The following CELF2 variants were observed in gnomAD, a reference collection of about 807,000 sequenced individuals.
CELF2 encodes CUG triplet repeat RNA-binding protein 2.
In CELF2, 8 loss-of-function variants were observed where a neutral mutation model predicts 62.6. The observed-to-expected ratio is 0.13, with a 90% CI of 0.07 to 0.23. CELF2 has a LOEUF of 0.23. Among genes scored for constraint, CELF2 ranks in the 10% least tolerant of loss-of-function variants. CELF2 has a pLI of 1.00. For missense variants in CELF2, 333 were observed against 671.0 expected (o/e 0.50, Z 5.56); for synonymous variants, 258 against 250.0 (o/e 1.03, Z -0.30).
At chr10:10,982,362 C>T (rs2052243027) in intron 2 of CELF2, among the ~76,000 whole-genome samples, 1 of 152,060 alleles carries the variant, frequency 6.6e-6, no homozygotes, top group African/African-American at 2.4e-5. Context: ...TACCCCAAAC[C>T]CCCACAGAGG....
At chr10:10,469,537 G>A in the CELF2 span, among the ~76,000 whole-genome samples, 2 of 151,828 alleles carry the variant, frequency 1.3e-5, no homozygotes, top group Admixed American at 1.3e-4. Flanking sequence ...TATGAACTGA[G>A]GATCTGATTT....
Position 11,305,220 on chromosome 10 carries a change from T to G in CELF2, c.977-8919T>G, listed in dbSNP as rs141385301. On this transcript the variant is annotated intron_variant, in intron 9 of 12. Transcript: ENST00000633077. The surrounding 1 kb of genome is among the most constrained non-coding windows in gnomAD (Gnocchi z 4.8). The stretch of plus-strand genomic sequence containing the variant: ...GAGAAAAGAACTTTTTTCTGGAAAG[T>G]GGAGCTCAGGTCCTTGCCTCTCTGG... 6.6e-6 allele frequency among the ~76,000 whole-genome samples: 1 copy of G among 152,320 alleles called. No homozygotes were observed. Among genetic ancestry groups the G allele is most frequent in the East Asian group, 1.9e-4 (1 of 5,172 alleles).
At chr10:10,804,897 G>A (rs771174541) in intron 1 of CELF2, among the ~76,000 whole-genome samples, 1 of 152,156 alleles carries the variant, frequency 6.6e-6, no homozygotes, top group Non-Finnish European at 1.5e-5. Context: ...AAGTTTGGAG[G>A]AATGTCATGT....
At position 11,314,558 on chromosome 10, in the gene CELF2, G is replaced by C; in HGVS notation, c.1096+300G>C. 1 of 431,396 alleles carries C rather than the reference G, an allele frequency of 2.3e-6. No homozygotes were observed. The highest frequency in any genetic ancestry group is 4.4e-6 in the Non-Finnish European group (1 of 229,120). The allele number at this position is 431,396 out of a possible 1,614,324, so 26.7% of individuals were successfully genotyped here. A position where few individuals can be genotyped will look rare whatever the true frequency, so the allele number is the denominator to read the frequency against. ...GTTTCCAGGAGTTTGGTTTGGTTTGGTTTCGGTCGGTTCTGTCCTGCGAGG... is the reference window on the plus strand; with the variant it reads ...GTTTCCAGGAGTTTGGTTTGGTTTGCTTTCGGTCGGTTCTGTCCTGCGAGG... On this transcript the variant is annotated intron_variant, in intron 10 of 12. Coordinates refer to ENST00000633077, the MANE Select transcript of CELF2 (RefSeq NM_001326342.2). This position sits in a 1 kb window ranked among gnomAD's most constrained non-coding sequence, Gnocchi z 5.3.
the CELF2 span, among the ~76,000 whole-genome samples, chr10:10,515,159 C>T: frequency 6.6e-6 from 1 of 152,216 alleles, no homozygotes; most frequent in Non-Finnish European, 1.5e-5. Context: ...GACACACCCT[C>T]AGAGCTAACT....
rs2082979480 is a variant in CELF2 at position 11,269,083 on chromosome 10, G to A, written c.619-1583G>A. Among the ~76,000 whole-genome samples the A allele has an allele frequency of 6.6e-6, 1 of 152,144 alleles. No homozygotes were observed. On this transcript the variant is annotated intron_variant, in intron 6 of 12. Transcript: ENST00000633077. The surrounding 1 kb of genome is among the most constrained non-coding windows in gnomAD (Gnocchi z 4.4). Reference sequence around the variant, plus strand: ...CTATAATTTGTTATGGAACAAATTTGATGGAACAATGACAACCCTTTTCCA... The same window carrying A: ...CTATAATTTGTTATGGAACAAATTTAATGGAACAATGACAACCCTTTTCCA...
At chr10:10,537,973 G>A in the CELF2 span, among the ~76,000 whole-genome samples, 1 of 152,116 alleles carries the variant, frequency 6.6e-6, no homozygotes, top group Non-Finnish European at 1.5e-5. Flanking sequence ...CAAGTGCGAT[G>A]AGCCCTTGTC....
chr10:11,103,574 G>T (rs868124117), intron 1 of CELF2, among the ~76,000 whole-genome samples: 5 of 150,350 alleles, frequency 3.3e-5, no homozygotes, highest in Middle Eastern at 3.4e-3. Flanking sequence ...GCAAAGGGGG[G>T]AATTAGAACA....
At chr10:11,150,017 G>T (rs1283117607) in intron 1 of CELF2, among the ~76,000 whole-genome samples, 6 of 152,180 alleles carry the variant, frequency 3.9e-5, no homozygotes, top group Non-Finnish European at 7.3e-5. Context: ...CCTGGGAGGA[G>T]AATTAAAATT....
the CELF2 span, among the ~76,000 whole-genome samples, chr10:10,526,229 A>G: frequency 6.6e-6 from 1 of 152,262 alleles, no homozygotes; most frequent in East Asian, 1.9e-4. Flanking sequence ...CACTGCAAAG[A>G]TATTATAGAA....
chr10:10,806,351 C>T (rs1590596104), intron 1 of CELF2, among the ~76,000 whole-genome samples: 4 of 151,970 alleles, frequency 2.6e-5, no homozygotes, highest in South Asian at 4.2e-4. Context: ...ATTACAGGCA[C>T]GTCCCACCAC....
chr10:10,656,055 G>T, the CELF2 span, among the ~76,000 whole-genome samples: 1 of 150,188 alleles, frequency 6.7e-6, no homozygotes, highest in African/African-American at 2.5e-5. Context: ...CAAAAAGTGG[G>T]CGAAGGACAT....
the CELF2 span, among the ~76,000 whole-genome samples, chr10:10,491,480 G>A: frequency 6.6e-6 from 1 of 152,090 alleles, no homozygotes; most frequent in Non-Finnish European, 1.5e-5. Context: ...ACAAACATAC[G>A]CTGGCAGCCC....
At chr10:10,775,855 G>T in the CELF2 span, among the ~76,000 whole-genome samples, 1 of 152,220 alleles carries the variant, frequency 6.6e-6, no homozygotes, top group African/African-American at 2.4e-5. Flanking sequence ...GGATGGAAAT[G>T]TTCTTTTCCT....
intron 2 of CELF2, chr10:10,922,574 A>T (rs1298314150): frequency 6.6e-6 from 1 of 152,242 alleles, no homozygotes; most frequent in Non-Finnish European, 1.5e-5. Context: ...AATACCAAGC[A>T]GCAACGCGTA....
At chr10:10,548,231 C>A in the CELF2 span, among the ~76,000 whole-genome samples, 1 of 152,232 alleles carries the variant, frequency 6.6e-6, no homozygotes, top group African/African-American at 2.4e-5. Flanking sequence ...TCCCTCCCAG[C>A]TCTACCAATC....
At position 11,223,452 on chromosome 10, in the gene CELF2, A is replaced by C. The variant is rs1194342248; in HGVS notation, c.354+5945A>C. 6.6e-6 allele frequency among the ~76,000 whole-genome samples: 1 copy of C among 152,234 alleles called. No homozygotes were observed. The highest frequency in any genetic ancestry group is 2.4e-5 in the African/African-American group (1 of 41,450). On this transcript the variant is annotated intron_variant, in intron 3 of 12. Transcript: ENST00000633077. The surrounding 1 kb of genome is among the most constrained non-coding windows in gnomAD (Gnocchi z 5.1). ...GATGCTTCAGATGTACATTTGCAGA[A>C]TTTGGCCTGGGCTGAGAAATTCGCC...
chr10:11,084,500 G>A (rs2074890132), intron 1 of CELF2, among the ~76,000 whole-genome samples: 1 of 152,208 alleles, frequency 6.6e-6, no homozygotes, highest in South Asian at 2.1e-4. Context: ...TGAAGATGAT[G>A]TCTTAGAATT....
At chr10:11,053,800 G>A (rs748912276) in intron 1 of CELF2, among the ~76,000 whole-genome samples, 17 of 151,774 alleles carry the variant, frequency 1.1e-4, no homozygotes, top group Non-Finnish European at 2.1e-4. Flanking sequence ...ATTTTTAGTA[G>A]AGATGGGGTT....
Sources: gnomAD v4.1 joint callset for allele counts (sites outside exome capture counted in the v4.1 genomes callset) on GRCh38, gnomAD v4.1.1 for gene constraint, Gnocchi (gnomAD v3.1) non-coding constraint, MANE v1.5 for transcripts, NCBI Gene and HGNC (gene_info 2026-07-23, HGNC 2026-07-21) for gene names.